ZSCAN25: variants seen among roughly 807,000 people sequenced by gnomAD.
ZSCAN25 encodes the protein zinc finger and SCAN domain containing 25, also known as zinc finger and SCAN domain-containing protein 25.
A neutral mutation model predicts 38.7 loss-of-function variants in ZSCAN25; 27 were observed. The ratio of observed to expected loss-of-function variants is 0.70; its 90% confidence interval spans 0.51 to 0.96. The LOEUF (loss-of-function observed/expected upper bound fraction) is 0.96, where lower values mean the gene tolerates loss of function less well. Among genes scored for constraint, ZSCAN25 ranks in the 40% least tolerant of loss-of-function variants. ZSCAN25 has a pLI of 0.00. For synonymous variants in ZSCAN25, 273 were observed against 277.7 expected (o/e 0.98, Z 0.17); for missense variants, 637 against 705.9 (o/e 0.90, Z 1.11).
At chr7:99,720,208 C>A in the ZSCAN25 span, 17 of 1,428,552 alleles carry the variant, frequency 1.2e-5, no homozygotes, top group South Asian at 3.7e-5. Flanking sequence ...GTACATGGAA[C>A]CTTCCTGCAC....
chr7:99,708,874 T>C, the ZSCAN25 span, among the ~76,000 whole-genome samples: 12 of 152,144 alleles, frequency 7.9e-5, no homozygotes, highest in African/African-American at 2.9e-4. Context: ...TAGTCTGTGG[T>C]TTGTAAAGTG....
the ZSCAN25 span, among the ~76,000 whole-genome samples, chr7:99,650,684 GTC>G: frequency 1.3e-5 from 2 of 152,076 alleles, no homozygotes; most frequent in African/African-American, 4.8e-5. Flanking sequence ...TCCTTCTCCT[GTC>G]ATCTCTTTTT....
the ZSCAN25 span, among the ~76,000 whole-genome samples, chr7:99,694,139 C>G: frequency 6.6e-6 from 1 of 152,204 alleles, no homozygotes; most frequent in Admixed American, 6.5e-5. Context: ...TCTAAAATCT[C>G]ATAAATCCTT....
chr7:99,681,253 G>T, the ZSCAN25 span, among the ~76,000 whole-genome samples: 2 of 152,162 alleles, frequency 1.3e-5, no homozygotes, highest in Non-Finnish European at 2.9e-5. Flanking sequence ...GTGAATAGTG[G>T]CTATTGTGAA....
rs893272377 is a variant in ZSCAN25 at position 99,620,192 on chromosome 7, A to G, written c.387+199A>G. Reference sequence around the variant, plus strand: ...ATTCCCAGGGGAGATGCTGCCATGCAGAAGGGCCTGAAGCCTCTGTTTGGT... The same window carrying G: ...ATTCCCAGGGGAGATGCTGCCATGCGGAAGGGCCTGAAGCCTCTGTTTGGT... On this transcript the variant is annotated intron_variant, in intron 4 of 7. Transcript: ENST00000394152. 4 of 746,392 alleles carry G rather than the reference A, an allele frequency of 5.4e-6. No individual in the cohort carries two copies. The Admixed American group carries it at 1.2e-4, about 22-fold the overall frequency. 46.2% of individuals were successfully genotyped at this position (746,392 alleles called of 1,614,324 possible).
chr7:99,638,364 A>C, the ZSCAN25 span: 4 of 1,602,198 alleles, frequency 2.5e-6, no homozygotes, highest in Non-Finnish European at 3.4e-6. Context: ...TTTCTCCTGG[A>C]TCTTGTGGGG....
At chr7:99,708,416 G>C in the ZSCAN25 span, among the ~76,000 whole-genome samples, 3 of 151,964 alleles carry the variant, frequency 2.0e-5, no homozygotes, top group South Asian at 2.1e-4. Context: ...TTCTCCTCTC[G>C]TCTCTTGTTT....
At chr7:99,723,747 C>T in the ZSCAN25 span, among the ~76,000 whole-genome samples, 3 of 152,170 alleles carry the variant, frequency 2.0e-5, no homozygotes, top group Admixed American at 6.5e-5. Context: ...TCTCCAACCT[C>T]TCTTGCTATC....
chr7:99,638,068 A>T, the ZSCAN25 span, among the ~76,000 whole-genome samples: 1 of 152,216 alleles, frequency 6.6e-6, no homozygotes, highest in Admixed American at 6.5e-5. Flanking sequence ...CGAAAAAGGA[A>T]AAAGAACGGG....
At chr7:99,714,085 G>C in the ZSCAN25 span, among the ~76,000 whole-genome samples, 12 of 152,228 alleles carry the variant, frequency 7.9e-5, no homozygotes, top group East Asian at 1.9e-3. Context: ...GCTGTCAGAG[G>C]GCTCAAATGT....
the ZSCAN25 span, among the ~76,000 whole-genome samples, chr7:99,719,043 A>C: frequency 6.6e-6 from 1 of 152,246 alleles, no homozygotes; most frequent in Non-Finnish European, 1.5e-5. Context: ...TCATGAATTG[A>C]AAGACCAAAC....
chr7:99,630,428 C>G lies in ZSCAN25; in HGVS notation c.*408C>G, dbSNP rs555988339. ...AGCTCAGACTCTTCCCCCACCCCCT[C>G]TCTTTTCCATTGAACAAACATTTAT... On this transcript the variant is annotated 3_prime_UTR_variant, in exon 8 of 8. Coordinates refer to ENST00000394152, the MANE Select transcript of ZSCAN25 (RefSeq NM_145115.3). 2 of 1,013,022 alleles carry G rather than the reference C, an allele frequency of 2.0e-6. No homozygotes were observed. Among genetic ancestry groups the G allele is most frequent in the Admixed American group, 5.3e-5 (1 of 18,720 alleles). The allele number at this position is 1,013,022 out of a possible 1,614,324, so 62.8% of individuals were successfully genotyped here.
At chr7:99,686,813 T>C in the ZSCAN25 span, among the ~76,000 whole-genome samples, 4 of 152,078 alleles carry the variant, frequency 2.6e-5, no homozygotes, top group African/African-American at 9.7e-5. Context: ...GAGACAAACC[T>C]TCCAGAGGAA....
the ZSCAN25 span, among the ~76,000 whole-genome samples, chr7:99,724,135 G>T: frequency 1.3e-5 from 2 of 151,984 alleles, no homozygotes; most frequent in African/African-American, 4.8e-5. Context: ...CTCTGGGCTT[G>T]CCCCCTTCAC....
At position 99,629,749 on chromosome 7, in the gene ZSCAN25, GGGA is replaced by G; in HGVS notation, c.1366_1368del (p.Glu456del). ...CAGGTGCACCGGAGGACGCACACCG[GGGA>G]GAAGCCCTACACCTGCGAGTGTGGC... is the stretch of plus-strand genomic sequence containing the variant. On this transcript the variant is annotated inframe_deletion, in exon 8 of 8. Coordinates refer to ENST00000394152, the MANE Select transcript of ZSCAN25 (RefSeq NM_145115.3). This position sits in a 1 kb window ranked among gnomAD's most constrained non-coding sequence, Gnocchi z 5.6. 1 of 1,614,196 alleles carries G rather than the reference GGGA, an allele frequency of 6.2e-7. No individual in the cohort carries two copies. Among genetic ancestry groups the G allele is most frequent in the Non-Finnish European group, 8.5e-7 (1 of 1,180,030 alleles).
chr7:99,690,893 C>T, the ZSCAN25 span, among the ~76,000 whole-genome samples: 1 of 152,192 alleles, frequency 6.6e-6, no homozygotes, highest in Admixed American at 6.5e-5. Flanking sequence ...GGCGATTCCT[C>T]AGGGATCTAG....
the ZSCAN25 span, among the ~76,000 whole-genome samples, chr7:99,688,163 A>G: frequency 6.6e-6 from 1 of 152,246 alleles, no homozygotes; most frequent in Non-Finnish European, 1.5e-5. Flanking sequence ...TCAAATTCAC[A>G]CATAACAATA....
the ZSCAN25 span, chr7:99,717,682 G>A: frequency 6.2e-7 from 1 of 1,607,798 alleles, no homozygotes. Context: ...ATCAGTTGTG[G>A]AGGTCTCCAT....
At chr7:99,672,677 G>T in the ZSCAN25 span, 3 of 1,613,900 alleles carry the variant, frequency 1.9e-6, no homozygotes, top group Non-Finnish European at 2.5e-6. Context: ...ACCTTCATAC[G>T]TTCTGTGTGG....
Sources: allele counts gnomAD v4.1 joint callset (sites outside exome capture counted in the v4.1 genomes callset), GRCh38; gene constraint gnomAD v4.1.1; non-coding constraint Gnocchi (gnomAD v3.1); transcripts MANE v1.5; gene names NCBI Gene and HGNC (gene_info 2026-07-23, HGNC 2026-07-21).